PCMTD1: variants seen among roughly 807,000 people sequenced by gnomAD.
The protein encoded by PCMTD1 is protein-L-isoaspartate O-methyltransferase domain-containing protein 1.
PCMTD1 carries 12 observed loss-of-function variants against 37.6 expected under a neutral mutation model. That is an observed-to-expected ratio of 0.32 (90% confidence interval 0.20 to 0.52). The LOEUF (loss-of-function observed/expected upper bound fraction) is 0.52. Ranked by LOEUF, PCMTD1 falls within the 20% of genes least tolerant of loss-of-function variation. The pLI is 0.97. For synonymous variants in PCMTD1, 117 were observed against 135.8 expected (o/e 0.86, Z 0.96); for missense variants, 235 against 421.3 (o/e 0.56, Z 3.87).
chr8:51,828,743 T>C (rs1195604268), intron 5 of PCMTD1, among the ~76,000 whole-genome samples: 1 of 152,212 alleles, frequency 6.6e-6, no homozygotes, highest in Non-Finnish European at 1.5e-5. Flanking sequence ...AAAAGTAGAC[T>C]TCATGGAAAT....
chr8:51,823,642 A>T (rs552671593), intron 5 of PCMTD1, among the ~76,000 whole-genome samples: 70 of 152,320 alleles, frequency 4.6e-4, no homozygotes, highest in African/African-American at 1.6e-3. Context: ...CTGCTAGGAA[A>T]ACTTATTTTA....
intron 1 of PCMTD1, among the ~76,000 whole-genome samples, chr8:51,897,126 G>T (rs1262439623): frequency 6.6e-6 from 1 of 152,182 alleles, no homozygotes; most frequent in Non-Finnish European, 1.5e-5. Flanking sequence ...ACCAGACGTT[G>T]TTCGTGATTA....
Position 51,820,598 on chromosome 8 carries a change from C to T in PCMTD1, c.827G>A (p.Arg276Lys). ...KGIPQRAPPK[R>K]KRKRVKQRIN... ...TCTCTGTTTAACTCTCTTTCTTTTC[C>T]TTTTGGGTGGAGCCCTTTGAGGAAT... Residue 276 changes from arginine (R) to lysine (K), a missense_variant, in exon 6 of 6, where the codon AGG (arginine) becomes AAG (lysine). By Grantham distance (26) the Arg-to-Lys change is conservative. Around this residue, in one of 3 missense-constraint regions of PCMTD1, gnomAD observed 183 missense variants for 349.3 expected, o/e 0.52. Transcript: ENST00000522514. 1 of 1,611,032 alleles carries T rather than the reference C, an allele frequency of 6.2e-7. No homozygotes were observed. Among genetic ancestry groups the T allele is most frequent in the Non-Finnish European group, 8.5e-7 (1 of 1,179,264 alleles).
At position 51,820,602 on chromosome 8, in the gene PCMTD1, T is replaced by C. The variant is rs1422670451; in HGVS notation, c.823A>G (p.Lys275Glu). The change falls in exon 6 of 6, where the codon AAA becomes GAA. Residue 275 changes from lysine to glutamate, a missense_variant. Around this residue, in one of 3 missense-constraint regions of PCMTD1, gnomAD observed 183 missense variants for 349.3 expected, o/e 0.52. Coordinates refer to ENST00000522514, the MANE Select transcript of PCMTD1 (RefSeq NM_052937.4). ...AKGIPQRAPPKRKRKRVKQRI... is the reference protein window; with the variant it reads ...AKGIPQRAPPERKRKRVKQRI... ...TGTTTAACTCTCTTTCTTTTCCTTT[T>C]GGGTGGAGCCCTTTGAGGAATCCCC... 2 of 1,610,830 alleles carry C rather than the reference T, an allele frequency of 1.2e-6. No homozygotes were observed. Among genetic ancestry groups the C allele is most frequent in the African/African-American group, 2.7e-5 (2 of 74,700 alleles).
At chr8:51,845,820 C>G in intron 2 of PCMTD1, 57 bp from the exon 3 acceptor site, 1 of 1,221,532 alleles carries the variant, frequency 8.2e-7, no homozygotes, top group Non-Finnish European at 1.2e-6. Flanking sequence ...TTACAGAGCT[C>G]TTTTTTAAGT....
intron 2 of PCMTD1, among the ~76,000 whole-genome samples, chr8:51,854,272 A>G (rs1380696388): frequency 6.6e-6 from 1 of 152,184 alleles, no homozygotes; most frequent in African/African-American, 2.4e-5. Flanking sequence ...AATATTATCC[A>G]TAAACACAAA....
Position 51,886,147 on chromosome 8 carries a change from C to T in PCMTD1, c.-96+12783G>A, listed in dbSNP as rs979377961. On this transcript the variant is annotated intron_variant, in intron 1 of 5. Transcript: ENST00000522514. ...CTGCAATTTAAATAGCTGTTAATTT[C>T]GTCCCTTCCTCCAACATATTGCCGA... Among the ~76,000 whole-genome samples, 6 of 152,298 alleles carry T rather than the reference C, an allele frequency of 3.9e-5. No homozygotes were observed. In the East Asian group the frequency reaches 5.8e-4, roughly 15 times the overall value.
chr8:51,839,196 AT>A (rs1162956084), intron 3 of PCMTD1, among the ~76,000 whole-genome samples: 2 of 152,328 alleles, frequency 1.3e-5, no homozygotes, highest in Non-Finnish European at 2.9e-5. Context: ...GGAAAAAAAA[AT>A]CAACAGTCCT....
At chr8:51,826,495 A>G (rs999810388) in intron 5 of PCMTD1, among the ~76,000 whole-genome samples, 1 of 152,176 alleles carries the variant, frequency 6.6e-6, no homozygotes, top group African/African-American at 2.4e-5. Context: ...CATTCTGCAC[A>G]TGTACCCCAG....
chr8:51,851,259 T>C (rs1329447070), intron 2 of PCMTD1, among the ~76,000 whole-genome samples: 1 of 152,140 alleles, frequency 6.6e-6, no homozygotes, highest in African/African-American at 2.4e-5. Context: ...AGAAACAAGT[T>C]CTAGTCCCTC....
intron 1 of PCMTD1, among the ~76,000 whole-genome samples, chr8:51,888,374 A>C (rs1317538908): frequency 1.3e-5 from 2 of 152,214 alleles, no homozygotes; most frequent in Non-Finnish European, 2.9e-5. Flanking sequence ...CAGGTAAATG[A>C]CTTTTGTGTA....
At chr8:51,859,848 T>A (rs1170628561) in intron 2 of PCMTD1, among the ~76,000 whole-genome samples, 1 of 152,192 alleles carries the variant, frequency 6.6e-6, no homozygotes, top group African/African-American at 2.4e-5. Flanking sequence ...CTCATCCTTA[T>A]TAACTTAGGG....
intron 3 of PCMTD1, among the ~76,000 whole-genome samples, chr8:51,835,292 T>C (rs1005844031): frequency 6.6e-6 from 1 of 152,210 alleles, no homozygotes; most frequent in Non-Finnish European, 1.5e-5. Flanking sequence ...ATAGTTGAAA[T>C]ATCAGCTTTG....
intron 2 of PCMTD1, chr8:51,849,195 G>C (rs975159041): frequency 1.1e-4 from 17 of 152,038 alleles, no homozygotes; most frequent in African/African-American, 4.1e-4. Context: ...TATAAAATTT[G>C]TTTTAACCAT....
At chr8:51,895,413 C>T (rs1286858367) in intron 1 of PCMTD1, among the ~76,000 whole-genome samples, 2 of 152,126 alleles carry the variant, frequency 1.3e-5, no homozygotes, top group African/African-American at 2.4e-5. Context: ...CAGTAGAAAA[C>T]ACAGAAGAGT....
chr8:51,821,407 T>C (rs771124689), intron 5 of PCMTD1, among the ~76,000 whole-genome samples: 44 of 152,178 alleles, frequency 2.9e-4, no homozygotes, highest in Non-Finnish European at 8.8e-5. Flanking sequence ...TCCCCAAATA[T>C]TGGGGTTACA....
In PCMTD1 at chr8:51,860,993, G is replaced by C. The variant is rs1192330832; in HGVS notation, c.159C>G (p.Asp53Glu). The change falls in exon 2 of 6, where the codon GAC becomes GAG. Residue 53 changes from aspartate to glutamate, a missense_variant. By Grantham distance (45) the Asp-to-Glu change is conservative. Transcript: ENST00000522514. ...LEGYRDNAYK[D>E]LAWKHGNIHL... is the part of the protein sequence containing the mutation. Reference sequence around the variant, plus strand: ...GGATGTTTCCATGCTTCCAGGCTAAGTCTTTGTAAGCATTGTCTCTGTAGC... The same window carrying C: ...GGATGTTTCCATGCTTCCAGGCTAACTCTTTGTAAGCATTGTCTCTGTAGC... 1 of 1,614,132 alleles carries C rather than the reference G, an allele frequency of 6.2e-7. No individual in the cohort carries two copies. The highest frequency in any genetic ancestry group is 1.7e-5 in the Admixed American group (1 of 60,020).
intron 5 of PCMTD1, among the ~76,000 whole-genome samples, chr8:51,822,290 G>C (rs1171730318): frequency 6.6e-6 from 1 of 152,106 alleles, no homozygotes; most frequent in Non-Finnish European, 1.5e-5. Context: ...ATAGATGGGA[G>C]AGATGGACAA....
intron 1 of PCMTD1, among the ~76,000 whole-genome samples, chr8:51,893,845 ACT>A (rs1349514054): frequency 2.0e-5 from 3 of 152,156 alleles, no homozygotes; most frequent in African/African-American, 7.2e-5. Context: ...AATCAAATAT[ACT>A]GCTTAAATAC....
Sources: allele counts gnomAD v4.1 joint callset (sites outside exome capture counted in the v4.1 genomes callset), GRCh38; gene constraint gnomAD v4.1.1; regional missense constraint gnomAD v4.1.1; transcripts MANE v1.5; gene names NCBI Gene and HGNC (gene_info 2026-07-23, HGNC 2026-07-21).